The following TNKS variants were observed in gnomAD, a reference collection of about 807,000 sequenced individuals.
TNKS encodes the protein tankyrase, also known as poly [ADP-ribose] polymerase tankyrase-1.
Under a neutral mutation model 135.8 loss-of-function variants are expected in TNKS, and 72 were observed. The ratio of observed to expected loss-of-function variants is 0.53; its 90% CI spans 0.44 to 0.64. TNKS has a LOEUF of 0.64. Ranked by LOEUF, TNKS falls within the 30% of genes least tolerant of loss-of-function variation. The pLI is 0.00. For synonymous variants in TNKS, 849 were observed against 649.3 expected, an observed-to-expected ratio of 1.31 and a Z score of -4.68; for missense variants, 1,769 against 1,674.0, an observed-to-expected ratio of 1.06 and a Z score of -0.99.
intron 3 of TNKS, among the ~76,000 whole-genome samples, chr8:9,662,395 C>A (rs1014499335): frequency 1.3e-5 from 2 of 152,156 alleles, no homozygotes; most frequent in Non-Finnish European, 2.9e-5. Context: ...CACATATACA[C>A]CATGGAATAC....
intron 5 of TNKS, among the ~76,000 whole-genome samples, chr8:9,686,314 T>G (rs947810267): frequency 6.6e-6 from 1 of 152,138 alleles, no homozygotes; most frequent in African/African-American, 2.4e-5. Context: ...GGAAGCTTCT[T>G]AATGATTCTA....
intron 20 of TNKS, among the ~76,000 whole-genome samples, chr8:9,752,960 A>G (rs1310774528): frequency 1.3e-5 from 2 of 148,408 alleles, no homozygotes; most frequent in Non-Finnish European, 3.0e-5. Context: ...ACAAAACCCT[A>G]TCTCGAAAAA....
At chr8:9,562,322 A>G (rs1412339924) in intron 1 of TNKS, among the ~76,000 whole-genome samples, 1 of 152,126 alleles carries the variant, frequency 6.6e-6, no homozygotes, top group African/African-American at 2.4e-5. Context: ...TCATTTGAAT[A>G]GAAATTTTAA....
At chr8:9,618,090 G>A (rs895709813) in intron 3 of TNKS, among the ~76,000 whole-genome samples, 8 of 149,702 alleles carry the variant, frequency 5.3e-5, no homozygotes, top group African/African-American at 1.2e-4. Context: ...GGGTTCAAGC[G>A]ATTCTTCTGC....
intron 5 of TNKS, among the ~76,000 whole-genome samples, chr8:9,698,100 G>A (rs1171750025): frequency 6.6e-6 from 1 of 152,136 alleles, no homozygotes; most frequent in African/African-American, 2.4e-5. Context: ...GCCCTTTGCA[G>A]CAATATGAAT....
chr8:9,623,468 T>C (rs1450044828), intron 3 of TNKS, among the ~76,000 whole-genome samples: 2 of 150,720 alleles, frequency 1.3e-5, no homozygotes, highest in African/African-American at 4.9e-5. Flanking sequence ...CTAGTGCTTT[T>C]GAAAGTTGTG....
At position 9,734,934 on chromosome 8, in the gene TNKS, A is replaced by G. The variant is rs750774257; in HGVS notation, c.2383A>G (p.Thr795Ala). Residue 795 changes from threonine (T) to alanine (A), a missense_variant, in exon 16 of 27, where the codon ACA (threonine) becomes GCA (alanine). By Grantham distance (58) the Thr-to-Ala change is moderately conservative (BLOSUM62 0). Transcript: ENST00000310430. ...TTTGGATTTGGTAAAGGAAGGAGAC[A>G]CAGATATTCAGGACTTACTGAGAGG... The part of the protein sequence containing the change: ...TPLDLVKEGD[T>A]DIQDLLRGDA... 1.9e-6 allele frequency: 3 copies of G among 1,614,204 alleles called. No homozygotes were observed. The highest frequency in any genetic ancestry group is 1.1e-5 in the South Asian group (1 of 91,086).
At chr8:9,744,161 A>G (rs1051951486) in intron 17 of TNKS, among the ~76,000 whole-genome samples, 5 of 152,178 alleles carry the variant, frequency 3.3e-5, no homozygotes, top group African/African-American at 7.2e-5. Flanking sequence ...GAGAGTTGAT[A>G]TTAGTGGTAG....
chr8:9,635,105 G>C (rs1800458796), intron 3 of TNKS, among the ~76,000 whole-genome samples: 1 of 152,018 alleles, frequency 6.6e-6, no homozygotes, highest in African/African-American at 2.4e-5. Context: ...GGGAGGCGGA[G>C]CTTGCAGTGA....
At chr8:9,711,177 C>G (rs1163883168) in intron 11 of TNKS, among the ~76,000 whole-genome samples, 1 of 151,986 alleles carries the variant, frequency 6.6e-6, no homozygotes, top group Non-Finnish European at 1.5e-5. Flanking sequence ...TGGAAAAATC[C>G]TAGCATTTCA....
At chr8:9,615,058 C>A (rs774823434) in intron 2 of TNKS, among the ~76,000 whole-genome samples, 17 of 152,272 alleles carry the variant, frequency 1.1e-4, no homozygotes, top group Non-Finnish European at 2.2e-4. Flanking sequence ...ACACACATTA[C>A]TATGTCTGTT....
chr8:9,730,694 A>T lies in TNKS; in HGVS notation c.2002-196A>T, dbSNP rs1006944566. Among the ~76,000 whole-genome samples, 3 of 152,344 alleles carry T rather than the reference A, an allele frequency of 2.0e-5. No homozygotes were observed. The South Asian group carries it at 6.2e-4, about 32-fold the overall frequency. On this transcript the variant is annotated intron_variant, in intron 13 of 26. Transcript: ENST00000310430. ...TGAAAAACATTAATTTGCTCTGTACATAATAAAAAATATTTGTCGTCACTG... is the reference window on the plus strand; with the variant it reads ...TGAAAAACATTAATTTGCTCTGTACTTAATAAAAAATATTTGTCGTCACTG...
At chr8:9,594,668 G>A (rs746094622) in intron 2 of TNKS, among the ~76,000 whole-genome samples, 65 of 151,948 alleles carry the variant, frequency 4.3e-4, no homozygotes, top group Non-Finnish European at 2.8e-4. Flanking sequence ...CATTTTAAAG[G>A]CTTCTAAGAA....
chr8:9,771,629 G>A (rs370669472), intron 26 of TNKS, among the ~76,000 whole-genome samples: 1 of 119,550 alleles, frequency 8.4e-6, no homozygotes, highest in East Asian at 2.9e-4. Flanking sequence ...AAGGAAAGAG[G>A]GAGGGAAAGA....
In TNKS at chr8:9,748,359, T is replaced by G. The variant is rs951056561; in HGVS notation, c.2832+147T>G. On this transcript the variant is annotated intron_variant, in intron 18 of 26. Coordinates refer to ENST00000310430, the MANE Select transcript of TNKS (RefSeq NM_003747.3). ...AAATTTTTGAAGTTCACACTTTTTC[T>G]ATGAAAATATAATTTAAAACTCTTA... 6.3e-6 allele frequency: 4 copies of G among 635,302 alleles called. No homozygotes were observed. The African/African-American group carries it at 7.6e-5, about 12-fold the overall frequency. The allele number at this position is 635,302 out of a possible 1,614,324, so 39.4% of individuals were successfully genotyped here.
intron 5 of TNKS, among the ~76,000 whole-genome samples, chr8:9,687,207 C>A (rs959829508): frequency 1.3e-5 from 2 of 152,140 alleles, no homozygotes; most frequent in Admixed American, 6.5e-5. Context: ...TTTTAAATTT[C>A]CAACTTTTAT....
intron 3 of TNKS, among the ~76,000 whole-genome samples, chr8:9,660,017 C>G (rs973904846): frequency 5.9e-5 from 9 of 152,302 alleles, no homozygotes; most frequent in African/African-American, 2.2e-4. Flanking sequence ...GACACATACA[C>G]CCTCCCAAGA....
Position 9,770,215 on chromosome 8 carries a change from G to C in TNKS, c.3850G>C (p.Val1284Leu), listed in dbSNP as rs762090867. The C allele has an allele frequency of 6.2e-7, 1 of 1,613,280 alleles. No homozygotes were observed. The highest frequency in any genetic ancestry group is 1.3e-5 in the African/African-American group (1 of 74,916). ...CCACTCAGTCATTGGTAGACCGAGC[G>C]TCAATGGGCTGGCATATGCTGAATA... ...GHHSVIGRPS[V>L]NGLAYAEYVI... The change falls in exon 26 of 27, where the codon GTC (valine) becomes CTC (leucine). Residue 1284 changes from valine to leucine, a missense_variant. Physicochemically the swap from Val to Leu is conservative, Grantham distance 32. Transcript: ENST00000310430.
At chr8:9,570,678 C>G (rs1202888709) in intron 1 of TNKS, among the ~76,000 whole-genome samples, 1 of 152,194 alleles carries the variant, frequency 6.6e-6, no homozygotes, top group Non-Finnish European at 1.5e-5. Flanking sequence ...TCAGATGTCC[C>G]TTGTAGATAA....
Sources: gnomAD v4.1 joint callset for allele counts (sites outside exome capture counted in the v4.1 genomes callset) on GRCh38, gnomAD v4.1.1 for gene constraint, MANE v1.5 for transcripts, NCBI Gene and HGNC (gene_info 2026-07-23, HGNC 2026-07-21) for gene names.